OSBPL10: variants seen among roughly 807,000 people sequenced by gnomAD.
OSBPL10 encodes oxysterol-binding protein-related protein 10.
A neutral mutation model predicts 81.7 loss-of-function variants in OSBPL10; 49 were observed. That is an observed-to-expected ratio of 0.60 (90% CI 0.48 to 0.76). The LOEUF (loss-of-function observed/expected upper bound fraction) is 0.76, where lower values mean the gene tolerates loss of function less well. Ranked by LOEUF, OSBPL10 falls within the 30% of genes least tolerant of loss-of-function variation. The pLI is 0.00. For synonymous variants in OSBPL10, 419 were observed against 383.6 expected (o/e 1.09, Z -1.08); for missense variants, 923 against 987.8 (o/e 0.93, Z 0.88).
At position 31,762,472 on chromosome 3, in the gene OSBPL10, G is replaced by GT. The variant is rs201990635; in HGVS notation, c.730-14353dup. On this transcript the variant is annotated intron_variant, in intron 4 of 11. Coordinates refer to ENST00000396556, the MANE Select transcript of OSBPL10 (RefSeq NM_017784.5). ...TTGGCCACAAGCAAGGCTGGTTACT[G>GT]TTTTTTTTGTTTTGTTTCGAGACAG... Among the ~76,000 whole-genome samples the GT allele has an allele frequency of 3.2e-3, 490 of 151,142 alleles. 4 individuals carry two copies. Among genetic ancestry groups the GT allele is most frequent in the African/African-American group, 0.011 (440 of 41,190 alleles).
chr3:31,767,135 G>C (rs1270410752), intron 4 of OSBPL10, among the ~76,000 whole-genome samples: 2 of 152,092 alleles, frequency 1.3e-5, no homozygotes, highest in African/African-American at 4.8e-5. Context: ...TAACTTTGTG[G>C]AAATTAAAAT....
intron 4 of OSBPL10, among the ~76,000 whole-genome samples, chr3:31,822,987 C>T (rs11707347): frequency 0.068 from 10,096 of 148,042 alleles, 766 homozygotes; most frequent in East Asian, 0.45. Context: ...TCATCATATG[C>T]TTAAATAACT....
chr3:31,673,656 G>C (rs529127806), intron 8 of OSBPL10, among the ~76,000 whole-genome samples: 95 of 152,298 alleles, frequency 6.2e-4, no homozygotes, highest in African/African-American at 2.2e-3. Context: ...CCAACTTACT[G>C]TGGTTCAACT....
At chr3:32,000,204 C>T (rs748605532) in intron 2 of OSBPL10, among the ~76,000 whole-genome samples, 9 of 152,118 alleles carry the variant, frequency 5.9e-5, no homozygotes. Context: ...GCCCTGCTCT[C>T]GCCACATAAT....
At chr3:31,857,728 CT>C (rs1466575454) in intron 3 of OSBPL10, among the ~76,000 whole-genome samples, 3 of 14,360 alleles carry the variant, frequency 2.1e-4, no homozygotes. Flanking sequence ...AACAGCACCC[CT>C]GGCAACCACT....
In OSBPL10 at chr3:31,822,652, G is replaced by A. The variant is rs866257793; in HGVS notation, c.729+7388C>T. ...AAGGCCAGGTGCAGTGGCTCACCCC[G>A]TAATCCCAGCACTTCGGGAGGCCAA... On this transcript the variant is annotated intron_variant, in intron 4 of 11. Transcript: ENST00000396556. 9.2e-5 allele frequency among the ~76,000 whole-genome samples: 14 copies of A among 152,052 alleles called. No individual in the cohort carries two copies. In the Middle Eastern group the frequency reaches 0.024, roughly 259 times the overall value.
chr3:31,794,374 A>G (rs567877987), intron 4 of OSBPL10: 1 of 155,610 alleles, frequency 6.4e-6, no homozygotes, highest in African/African-American at 2.4e-5. Flanking sequence ...AATCCACCTC[A>G]CCTCTGACAC....
chr3:31,842,762 AGACTTAGT>A, intron 3 of OSBPL10, among the ~76,000 whole-genome samples: 1 of 152,334 alleles, frequency 6.6e-6, no homozygotes, highest in East Asian at 1.9e-4. Context: ...CAGCTTTAAC[AGACTTAGT>A]GACTTTAAGT....
chr3:31,921,312 T>A (rs1696906234), intron 1 of OSBPL10, among the ~76,000 whole-genome samples: 1 of 152,144 alleles, frequency 6.6e-6, no homozygotes, highest in African/African-American at 2.4e-5. Context: ...AGTGCCCACA[T>A]CTTGGTTTGT....
intron 2 of OSBPL10, among the ~76,000 whole-genome samples, chr3:32,019,614 A>T (rs1699344063): frequency 6.6e-6 from 1 of 152,236 alleles, no homozygotes; most frequent in Admixed American, 6.5e-5. Context: ...CATATGTTCA[A>T]CATCCACAGA....
At chr3:31,926,289 G>GCCACCCC (rs1553641094) in intron 1 of OSBPL10, among the ~76,000 whole-genome samples, 1 of 130,114 alleles carries the variant, frequency 7.7e-6, no homozygotes, top group Admixed American at 7.9e-5. Flanking sequence ...GGGTGATTTT[G>GCCACCCC]CCCCCCCAGA....
intron 4 of OSBPL10, among the ~76,000 whole-genome samples, chr3:31,789,526 A>G (rs566939827): frequency 6.6e-6 from 1 of 152,344 alleles, no homozygotes; most frequent in South Asian, 2.1e-4. Context: ...AAGGTCCAGG[A>G]AAGGACTCAG....
At chr3:31,894,492 T>C (rs773377272) in intron 1 of OSBPL10, among the ~76,000 whole-genome samples, 4 of 152,210 alleles carry the variant, frequency 2.6e-5, no homozygotes, top group Non-Finnish European at 5.9e-5. Context: ...CATACACTCA[T>C]CTGTTTATTT....
rs9825846 is a variant in OSBPL10 at position 31,924,894 on chromosome 3, G to A, written c.282-45064C>T. Among the ~76,000 whole-genome samples the A allele has an allele frequency of 3.6e-3, 548 of 152,280 alleles. 3 individuals carry two copies. Among genetic ancestry groups the A allele is most frequent in the African/African-American group, 0.013 (523 of 41,560 alleles). ...CAGAATATCCTTTGCCAAGTCCTGA[G>A]ATAATTTCATCTTTTCTTTTCAACT... On this transcript the variant is annotated intron_variant, in intron 1 of 11. Transcript: ENST00000396556.
At chr3:31,770,271 G>T (rs1376266768) in intron 4 of OSBPL10, among the ~76,000 whole-genome samples, 2 of 152,044 alleles carry the variant, frequency 1.3e-5, no homozygotes, top group Admixed American at 6.6e-5. Flanking sequence ...GGGGACGGGG[G>T]TTATACCAAC....
At chr3:31,745,801 T>C (rs1003704647) in intron 5 of OSBPL10, among the ~76,000 whole-genome samples, 1 of 152,238 alleles carries the variant, frequency 6.6e-6, no homozygotes, top group African/African-American at 2.4e-5. Flanking sequence ...CAGTAAATGA[T>C]GGTGGGTTTC....
At chr3:31,759,953 G>C (rs1272498237) in intron 4 of OSBPL10, among the ~76,000 whole-genome samples, 2 of 152,026 alleles carry the variant, frequency 1.3e-5, no homozygotes, top group Non-Finnish European at 2.9e-5. Context: ...GTAGAGACAG[G>C]GTTTTGCCAT....
At chr3:31,775,306 G>T (rs1698520104) in intron 4 of OSBPL10, among the ~76,000 whole-genome samples, 1 of 152,112 alleles carries the variant, frequency 6.6e-6, no homozygotes, top group Non-Finnish European at 1.5e-5. Context: ...CTTCCACTGA[G>T]AACCATGGAA....
At chr3:31,955,789 T>C (rs1431123585) in intron 1 of OSBPL10, among the ~76,000 whole-genome samples, 2 of 152,238 alleles carry the variant, frequency 1.3e-5, no homozygotes, top group East Asian at 3.8e-4. Context: ...TACATTTCAC[T>C]GACTCCCTTG....
Sources: gnomAD v4.1 joint callset for allele counts (sites outside exome capture counted in the v4.1 genomes callset) on GRCh38, gnomAD v4.1.1 for gene constraint, MANE v1.5 for transcripts, NCBI Gene and HGNC (gene_info 2026-07-23, HGNC 2026-07-21) for gene names.